ADAMTSL1: variants seen among roughly 807,000 people sequenced by gnomAD.
The protein encoded by ADAMTSL1 is ADAMTS like 1.
ADAMTSL1 carries 126 observed loss-of-function variants against 201.8 expected under a neutral mutation model. That is an observed-to-expected ratio of 0.62 (90% CI 0.54 to 0.72). ADAMTSL1 has a LOEUF of 0.72. Ranked by LOEUF, ADAMTSL1 falls within the 30% of genes least tolerant of loss-of-function variation. ADAMTSL1 has a pLI of 0.00. For synonymous variants in ADAMTSL1, 1,121 were observed against 903.4 expected, an observed-to-expected ratio of 1.24 and a Z score of -4.32; for missense variants, 2,679 against 2,277.8, an observed-to-expected ratio of 1.18 and a Z score of -3.59.
intron 17 of ADAMTSL1, among the ~76,000 whole-genome samples, chr9:18,772,295 T>G (rs1009163525): frequency 5.3e-5 from 8 of 152,190 alleles, no homozygotes; most frequent in Non-Finnish European, 1.0e-4. Context: ...AAGGGACTTG[T>G]GTGTGTTATA....
intron 20 of ADAMTSL1, among the ~76,000 whole-genome samples, chr9:18,811,146 G>A (rs1261084633): frequency 2.0e-5 from 3 of 151,318 alleles, no homozygotes; most frequent in African/African-American, 4.9e-5. Flanking sequence ...AAATGCCACC[G>A]AAAACAGTGT....
At chr9:18,657,155 G>T (rs1219357015) in intron 7 of ADAMTSL1, among the ~76,000 whole-genome samples, 2 of 152,188 alleles carry the variant, frequency 1.3e-5, no homozygotes, top group East Asian at 3.9e-4. Context: ...TGGACAAGAA[G>T]CCCAATATGT....
intron 2 of ADAMTSL1, among the ~76,000 whole-genome samples, chr9:18,244,022 C>A (rs977599742): frequency 6.6e-6 from 1 of 151,828 alleles, no homozygotes; most frequent in African/African-American, 2.4e-5. Context: ...CCTTTTTTTA[C>A]CAACTGCTAC....
At chr9:18,080,175 A>G (rs1823428268) in intron 1 of ADAMTSL1, among the ~76,000 whole-genome samples, 1 of 152,234 alleles carries the variant, frequency 6.6e-6, no homozygotes. Flanking sequence ...AGCTGGAAAT[A>G]GATGAGAGGA....
chr9:18,516,323 G>T (rs559618187), intron 2 of ADAMTSL1, among the ~76,000 whole-genome samples: 3 of 152,086 alleles, frequency 2.0e-5, no homozygotes, highest in Non-Finnish European at 4.4e-5. Context: ...TATACAATGG[G>T]GGATGGACAA....
At chr9:18,157,718 G>A (rs1490505615) in intron 1 of ADAMTSL1, among the ~76,000 whole-genome samples, 4 of 151,996 alleles carry the variant, frequency 2.6e-5, no homozygotes, top group African/African-American at 9.7e-5. Context: ...ATGTTTTTAA[G>A]CTCCAAACAC....
chr9:17,985,721 A>G lies in ADAMTSL1; in HGVS notation c.87+78799A>G, dbSNP rs183029588. 1.6e-4 allele frequency among the ~76,000 whole-genome samples: 24 copies of G among 152,278 alleles called. No individual in the cohort carries two copies. The East Asian group carries it at 4.6e-3, about 29-fold the overall frequency. On this transcript the variant is annotated intron_variant, in intron 1 of 29. Transcript: ENST00000680146. ...TATCACATGGGAAGCAAGCTTAGCA[A>G]TCAGATACTCCAATCCTTTCATTTT... is the stretch of plus-strand genomic sequence containing the variant.
At chr9:18,438,946 G>C (rs947962108) in intron 2 of ADAMTSL1, among the ~76,000 whole-genome samples, 20 of 150,582 alleles carry the variant, frequency 1.3e-4, no homozygotes, top group South Asian at 2.1e-4. Flanking sequence ...TCCCCCACCC[G>C]CATTTATGCA....
intron 4 of ADAMTSL1, among the ~76,000 whole-genome samples, chr9:18,618,164 G>A (rs1825818769): frequency 6.6e-6 from 1 of 152,148 alleles, no homozygotes; most frequent in African/African-American, 2.4e-5. Flanking sequence ...CAGGGCAGAG[G>A]TTTAGGTTTA....
At chr9:18,526,686 C>T (rs942081412) in intron 2 of ADAMTSL1, among the ~76,000 whole-genome samples, 1 of 152,092 alleles carries the variant, frequency 6.6e-6, no homozygotes, top group Non-Finnish European at 1.5e-5. Context: ...TTTATTTCTC[C>T]TTCACTTATG....
chr9:17,945,191 T>C (rs963290956), intron 1 of ADAMTSL1, among the ~76,000 whole-genome samples: 9 of 143,206 alleles, frequency 6.3e-5, no homozygotes, highest in South Asian at 2.3e-4. Flanking sequence ...AAGACACTTA[T>C]GCAGCCAAAA....
chr9:18,791,805 A>G (rs1412782385), intron 19 of ADAMTSL1, among the ~76,000 whole-genome samples: 3 of 152,210 alleles, frequency 2.0e-5, no homozygotes, highest in Non-Finnish European at 4.4e-5. Flanking sequence ...CTCATGATCT[A>G]CATGTCACCG....
chr9:18,359,837 C>CCCCCCCCCCCCCA (rs557711954), intron 2 of ADAMTSL1, among the ~76,000 whole-genome samples: 1 of 122,634 alleles, frequency 8.2e-6, no homozygotes, highest in African/African-American at 2.8e-5. Flanking sequence ...GCCCCCCCGC[C>CCCCCCCCCCCCCA]CACACAAAAT....
At chr9:18,688,704 A>ATATATATATATCTATATC (rs138160150) in intron 13 of ADAMTSL1, among the ~76,000 whole-genome samples, 3 of 72,476 alleles carry the variant, frequency 4.1e-5, no homozygotes, top group African/African-American at 1.7e-4. Flanking sequence ...ATATATATAT[A>ATATATATATATCTATATC]TATATGACTG....
At chr9:18,237,892 A>T (rs1006744258) in intron 2 of ADAMTSL1, among the ~76,000 whole-genome samples, 1 of 152,254 alleles carries the variant, frequency 6.6e-6, no homozygotes, top group Non-Finnish European at 1.5e-5. Context: ...AAAAATCATG[A>T]TTATTCCTTG....
In ADAMTSL1 at chr9:18,230,076, T is replaced by G. The variant is rs184372730; in HGVS notation, c.207+66095T>G. ...TTGGTAGGTAAGATAAGAAAGAATT[T>G]CCCACCCTCAAATAACTAATCATTG... On this transcript the variant is annotated intron_variant, in intron 2 of 29. Transcript: ENST00000680146. Among the ~76,000 whole-genome samples the G allele has an allele frequency of 6.6e-4, 101 of 152,246 alleles. 1 individual carries two copies. The highest frequency in any genetic ancestry group is 2.4e-3 in the African/African-American group (100 of 41,542).
At chr9:18,222,232 G>A (rs1474686254) in intron 2 of ADAMTSL1, among the ~76,000 whole-genome samples, 2 of 151,606 alleles carry the variant, frequency 1.3e-5, no homozygotes, top group Non-Finnish European at 2.9e-5. Flanking sequence ...TCTCAATCCA[G>A]TCTGATAAAC....
chr9:18,576,358 A>G lies in ADAMTSL1; in HGVS notation c.474+2092A>G, dbSNP rs1354037016. ...AATAGGGAGGTAGTTTGGGAGAGAAACATGGAGGCTTGAACGGCAGACAGG... is the reference window on the plus strand; with the variant it reads ...AATAGGGAGGTAGTTTGGGAGAGAAGCATGGAGGCTTGAACGGCAGACAGG... On this transcript the variant is annotated intron_variant, in intron 4 of 28. Transcript: ENST00000380548. Among the ~76,000 whole-genome samples, 3 of 152,316 alleles carry G rather than the reference A, an allele frequency of 2.0e-5. No homozygotes were observed. In the East Asian group the frequency reaches 5.8e-4, roughly 29 times the overall value.
chr9:18,003,250 C>T (rs1273739270), intron 1 of ADAMTSL1, among the ~76,000 whole-genome samples: 1 of 151,494 alleles, frequency 6.6e-6, no homozygotes, highest in East Asian at 2.0e-4. Context: ...GTGTAGAGCT[C>T]CAGCTACTGA....
Sources: gnomAD v4.1 joint callset for allele counts (sites outside exome capture counted in the v4.1 genomes callset) on GRCh38, gnomAD v4.1.1 for gene constraint, MANE v1.5 for transcripts, NCBI Gene and HGNC (gene_info 2026-07-23, HGNC 2026-07-21) for gene names.